BNC2: variants seen among roughly 807,000 people sequenced by gnomAD.
BNC2 encodes the protein basonuclin zinc finger protein 2, also known as zinc finger protein basonuclin-2.
BNC2 carries 20 observed loss-of-function variants against 76.3 expected under a neutral mutation model. That is an observed-to-expected ratio of 0.26 (90% confidence interval 0.18 to 0.38). The LOEUF (loss-of-function observed/expected upper bound fraction) is 0.38. Ranked by LOEUF, BNC2 falls within the 10% of genes least tolerant of loss-of-function variation. The pLI, the probability that BNC2 is intolerant of heterozygous loss-of-function variation, is 1.00. For missense variants in BNC2, 1,382 were observed against 1,399.8 expected (o/e 0.99, Z 0.20); for synonymous variants, 582 against 514.8 (o/e 1.13, Z -1.77).
intron 1 of BNC2, among the ~76,000 whole-genome samples, chr9:16,821,758 G>A (rs1366172643): frequency 6.6e-6 from 1 of 151,946 alleles, no homozygotes; most frequent in Admixed American, 6.6e-5. Context: ...AGACCAGCTG[G>A]GCCAACATGG....
chr9:16,434,900 C>T (rs1328184195), intron 6 of BNC2: 2 of 464,854 alleles, frequency 4.3e-6, no homozygotes, highest in African/African-American at 2.0e-5. Context: ...GATAAAGAAA[C>T]CCACACGACC....
chr9:16,551,185 T>G (rs1818651545), intron 5 of BNC2, among the ~76,000 whole-genome samples: 1 of 152,206 alleles, frequency 6.6e-6, no homozygotes, highest in South Asian at 2.1e-4. Flanking sequence ...CATCATCTCA[T>G]CTTTTGAGGG....
intron 1 of BNC2, among the ~76,000 whole-genome samples, chr9:16,794,493 C>A (rs546236210): frequency 2.0e-5 from 3 of 152,230 alleles, no homozygotes; most frequent in Admixed American, 6.5e-5. Flanking sequence ...AAATTCACCT[C>A]AATTATTCTA....
chr9:16,412,288 G>A lies in BNC2; in HGVS notation c.*6701C>T, dbSNP rs1183805046. ...GGATTTGGAGGGGTCATTGAAAGAT[G>A]CATTTGTACACCTACGTCCATGGTT... is the stretch of plus-strand genomic sequence containing the variant. On this transcript the variant is annotated 3_prime_UTR_variant, in exon 7 of 7. Coordinates refer to ENST00000380672, the MANE Select transcript of BNC2 (RefSeq NM_017637.6). 1 of 152,560 alleles carries A rather than the reference G, an allele frequency of 6.6e-6. No homozygotes were observed. Among genetic ancestry groups the A allele is most frequent in the Non-Finnish European group, 1.5e-5 (1 of 68,026 alleles). 9.5% of individuals were successfully genotyped at this position (152,560 alleles called of 1,614,324 possible).
intron 3 of BNC2, among the ~76,000 whole-genome samples, chr9:16,590,104 T>C (rs1195419772): frequency 6.6e-6 from 1 of 151,782 alleles, no homozygotes; most frequent in African/African-American, 2.4e-5. Flanking sequence ...ACAAAAAATA[T>C]AAAAATTAGC....
At chr9:16,439,984 C>T (rs895031543) in intron 5 of BNC2, among the ~76,000 whole-genome samples, 2 of 152,212 alleles carry the variant, frequency 1.3e-5, no homozygotes, top group African/African-American at 4.8e-5. Flanking sequence ...GTCCGGCCAT[C>T]GCCATTTTCA....
chr9:16,698,214 G>A (rs535280871), intron 3 of BNC2, among the ~76,000 whole-genome samples: 2 of 152,168 alleles, frequency 1.3e-5, no homozygotes, highest in Admixed American at 6.5e-5. Context: ...CTCTTAAGCT[G>A]TGCAAAATTA....
chr9:16,814,972 C>CAAACCCTCA (rs1350090425), intron 1 of BNC2, among the ~76,000 whole-genome samples: 1 of 152,100 alleles, frequency 6.6e-6, no homozygotes, highest in African/African-American at 2.4e-5. Flanking sequence ...TTGCCACCCC[C>CAAACCCTCA]AAACCCTCAA....
intron 1 of BNC2, among the ~76,000 whole-genome samples, chr9:16,784,938 A>G (rs988035057): frequency 2.6e-5 from 4 of 152,222 alleles, no homozygotes; most frequent in Non-Finnish European, 4.4e-5. Context: ...AAGAAGAAAT[A>G]AGATGACGAT....
At chr9:16,542,519 T>C (rs776361246) in intron 5 of BNC2, among the ~76,000 whole-genome samples, 7 of 152,236 alleles carry the variant, frequency 4.6e-5, no homozygotes, top group Non-Finnish European at 7.3e-5. Context: ...CAATTGTTCA[T>C]GCATCACTAG....
At chr9:16,834,627 T>C (rs1311749669) in intron 1 of BNC2, among the ~76,000 whole-genome samples, 1 of 152,186 alleles carries the variant, frequency 6.6e-6, no homozygotes, top group Non-Finnish European at 1.5e-5. Context: ...CTTCCACAAT[T>C]AGCATTTTAC....
intron 3 of BNC2, among the ~76,000 whole-genome samples, chr9:16,628,431 G>C (rs896200475): frequency 6.6e-6 from 1 of 152,144 alleles, no homozygotes; most frequent in Non-Finnish European, 1.5e-5. Context: ...GTGGAACGCC[G>C]TGAGAGGTCA....
intron 3 of BNC2, among the ~76,000 whole-genome samples, chr9:16,716,734 C>T (rs1824006544): frequency 6.6e-6 from 1 of 152,174 alleles, no homozygotes; most frequent in Admixed American, 6.5e-5. Flanking sequence ...TTTGGATCAA[C>T]TATACTATAG....
intron 5 of BNC2, among the ~76,000 whole-genome samples, chr9:16,456,435 G>C (rs1286098525): frequency 2.0e-5 from 3 of 151,490 alleles, no homozygotes; most frequent in African/African-American, 7.3e-5. Context: ...GGAGGCTGAG[G>C]CAGGAGAATG....
chr9:16,649,184 G>C (rs1053092687), intron 3 of BNC2, among the ~76,000 whole-genome samples: 1 of 152,196 alleles, frequency 6.6e-6, no homozygotes, highest in Non-Finnish European at 1.5e-5. Context: ...AGGTCTTCCA[G>C]GACGGACTCA....
intron 5 of BNC2, among the ~76,000 whole-genome samples, chr9:16,527,350 G>A (rs1229671065): frequency 6.6e-6 from 1 of 152,192 alleles, no homozygotes; most frequent in African/African-American, 2.4e-5. Context: ...TTTGCTGTTG[G>A]TCATCTTCAC....
At chr9:16,734,545 A>C (rs1378033530) in intron 2 of BNC2, among the ~76,000 whole-genome samples, 1 of 152,222 alleles carries the variant, frequency 6.6e-6, no homozygotes, top group Non-Finnish European at 1.5e-5. Context: ...TGGGCATTTC[A>C]ACATACAGAA....
intron 3 of BNC2, among the ~76,000 whole-genome samples, chr9:16,689,743 C>A (rs1823097270): frequency 6.6e-6 from 1 of 151,930 alleles, no homozygotes; most frequent in Non-Finnish European, 1.5e-5. Flanking sequence ...GGATTCCAAG[C>A]CAAAAGGAAG....
intron 1 of BNC2, among the ~76,000 whole-genome samples, chr9:16,825,072 G>C (rs887357332): frequency 6.6e-6 from 1 of 151,118 alleles, no homozygotes; most frequent in African/African-American, 2.4e-5. Flanking sequence ...TAAAGAGAGA[G>C]GTGCCTGCCA....
Sources: gnomAD v4.1 joint callset for allele counts (sites outside exome capture counted in the v4.1 genomes callset) on GRCh38, gnomAD v4.1.1 for gene constraint, MANE v1.5 for transcripts, NCBI Gene and HGNC (gene_info 2026-07-23, HGNC 2026-07-21) for gene names.